GBF1: variants seen among roughly 807,000 people sequenced by gnomAD.
The protein encoded by GBF1 is golgi brefeldin A resistant guanine nucleotide exchange factor 1.
In GBF1, 114 loss-of-function variants were observed where a neutral mutation model predicts 210.5. The ratio of observed to expected loss-of-function variants is 0.54; its 90% CI spans 0.47 to 0.63. The LOEUF (loss-of-function observed/expected upper bound fraction) is 0.63, where lower values mean the gene tolerates loss of function less well. GBF1 is among the 30% of genes least tolerant of loss of function. The probability of loss-of-function intolerance (pLI) is 0.00; values close to 1 mark genes in which losing one functional copy is unlikely to be tolerated. For synonymous variants in GBF1, 850 were observed against 889.2 expected (o/e 0.96, Z 0.78); for missense variants, 1,851 against 2,357.7 (o/e 0.79, Z 4.45).
chr10:102,301,865 C>T (rs1438923929), intron 3 of GBF1, among the ~76,000 whole-genome samples: 12 of 152,198 alleles, frequency 7.9e-5, no homozygotes, highest in Admixed American at 6.5e-4. Flanking sequence ...GAAGGGGTGG[C>T]GGCCGGGCAG....
intron 3 of GBF1, among the ~76,000 whole-genome samples, chr10:102,302,252 G>A (rs75000771): frequency 2.8e-5 from 2 of 70,268 alleles, no homozygotes; most frequent in Admixed American, 1.7e-4. Context: ...GAGGGAGACT[G>A]TGGAAAGGGA....
chr10:102,380,528 T>A lies in GBF1; in HGVS notation c.5015T>A (p.Leu1672Gln). 6.2e-7 allele frequency: 1 copy of A among 1,613,526 alleles called. No homozygotes were observed. Among genetic ancestry groups the A allele is most frequent in the Non-Finnish European group, 8.5e-7 (1 of 1,179,678 alleles). The change falls in exon 38 of 40, where the codon CTG becomes CAG. Residue 1672 changes from leucine (L) to glutamine (Q), a missense_variant. Leu to Gln is a moderately radical substitution (Grantham distance 113). Around this residue, in one of 3 missense-constraint regions of GBF1, gnomAD observed 967 missense variants for 1,247.7 expected, o/e 0.78. Transcript: ENST00000369983. ...CAGTCAGAGGCGATCCCTGAGTCTC[T>A]GAAGAACATGCTTCTGGTGATGGAC... ...DLLSEAIPES[L>Q]KNMLLVMDTA...
intron 3 of GBF1, among the ~76,000 whole-genome samples, chr10:102,322,739 A>T (rs2056525463): frequency 6.7e-6 from 1 of 148,762 alleles, no homozygotes; most frequent in African/African-American, 2.5e-5. Flanking sequence ...AAAAAAAAAA[A>T]AAAAATTGCT....
rs748223721 is a variant in GBF1, at chr10:102,358,080, G to C, written c.681G>C (p.Trp227Cys). 3.7e-6 allele frequency: 6 copies of C among 1,609,488 alleles called. No individual in the cohort carries two copies. In the Admixed American group the frequency reaches 5.0e-5, roughly 13 times the overall value. ...RAGGMSDSSK[W>C]KKQKRSPRPP... ...GAGGCATGAGTGATTCATCCAAATG[G>C]AAGAAACAGAAGAGATCCCCTCGGC... is the stretch of plus-strand genomic sequence containing the variant. The change falls in exon 9 of 40, where the codon TGG (tryptophan) becomes TGC (cysteine). Residue 227 changes from tryptophan to cysteine, a missense_variant. By Grantham distance (215) the Trp-to-Cys change is radical. Coordinates refer to ENST00000369983, the MANE Select transcript of GBF1 (RefSeq NM_001377137.1).
intron 36 of GBF1, 44 bp downstream of exon 36, chr10:102,379,998 C>T: frequency 7.4e-7 from 1 of 1,345,844 alleles, no homozygotes; most frequent in Non-Finnish European, 1.1e-6. Context: ...CCATACCTGC[C>T]TTTTCCCGAG....
At chr10:102,295,808 A>T (rs975337902) in intron 3 of GBF1, among the ~76,000 whole-genome samples, 2 of 152,218 alleles carry the variant, frequency 1.3e-5, no homozygotes, top group Non-Finnish European at 2.9e-5. Context: ...GCGAGAATAG[A>T]GGCAGTTCTG....
chr10:102,343,985 A>G, intron 3 of GBF1, 66 bp from the exon 4 acceptor site: 1 of 1,404,458 alleles, frequency 7.1e-7, no homozygotes, highest in South Asian at 1.2e-5. Context: ...CACAAACAAG[A>G]AACTTTTTCC....
At chr10:102,356,766 CAAAAA>C (rs761159635) in intron 8 of GBF1, among the ~76,000 whole-genome samples, 1 of 84,588 alleles carries the variant, frequency 1.2e-5, no homozygotes, top group Non-Finnish European at 2.3e-5. Flanking sequence ...GACTCTGTCT[CAAAAA>C]AAAAAAAAAA....
At chr10:102,375,109 G>A (rs2060421628) in intron 29 of GBF1, among the ~76,000 whole-genome samples, 1 of 151,970 alleles carries the variant, frequency 6.6e-6, no homozygotes, top group Non-Finnish European at 1.5e-5. Context: ...AGGAGTTTCA[G>A]GTTGCAGTGA....
chr10:102,273,994 G>A (rs749293763), intron 3 of GBF1, among the ~76,000 whole-genome samples: 7 of 152,034 alleles, frequency 4.6e-5, no homozygotes, highest in Non-Finnish European at 1.0e-4. Flanking sequence ...ATTTGTCCTC[G>A]AAAGACTCCA....
At chr10:102,301,647 C>T (rs1423672865) in intron 3 of GBF1, among the ~76,000 whole-genome samples, 4 of 150,742 alleles carry the variant, frequency 2.7e-5, no homozygotes, top group African/African-American at 2.4e-5. Context: ...CGGGCAGAGG[C>T]GCTCCTCACA....
the GBF1 span, among the ~76,000 whole-genome samples, chr10:102,234,275 C>A: frequency 6.6e-6 from 1 of 152,172 alleles, no homozygotes; most frequent in Non-Finnish European, 1.5e-5. Flanking sequence ...CTCCCCACCC[C>A]ACCTCTCAAG....
intron 3 of GBF1, among the ~76,000 whole-genome samples, chr10:102,296,632 C>G (rs2076930635): frequency 6.6e-6 from 1 of 152,066 alleles, no homozygotes; most frequent in Admixed American, 6.5e-5. Context: ...ATCCCAGCTA[C>G]TCAGGAGACT....
the GBF1 span, among the ~76,000 whole-genome samples, chr10:102,240,282 A>G: frequency 6.6e-6 from 1 of 152,140 alleles, no homozygotes; most frequent in Non-Finnish European, 1.5e-5. Flanking sequence ...GATTCCCACT[A>G]GCAGGCTCCT....
intron 3 of GBF1, 129 bp downstream of exon 3, chr10:102,260,245 C>A: frequency 2.0e-6 from 1 of 508,750 alleles, no homozygotes. Context: ...GGGCCATACA[C>A]AACTGCAACT....
intron 30 of GBF1, 140 bp downstream of exon 30, chr10:102,375,724 G>A: frequency 1.6e-6 from 1 of 631,016 alleles, no homozygotes; most frequent in Admixed American, 2.5e-5. Flanking sequence ...AGAGCTTCCA[G>A]TGCCCGCTGG....
intron 3 of GBF1, among the ~76,000 whole-genome samples, chr10:102,341,534 G>A (rs2058181506): frequency 6.6e-6 from 1 of 152,148 alleles, no homozygotes; most frequent in Non-Finnish European, 1.5e-5. Flanking sequence ...CCAAACTGGA[G>A]ATCCCACATG....
chr10:102,266,003 C>T (rs1156479770), intron 3 of GBF1, among the ~76,000 whole-genome samples: 2 of 151,948 alleles, frequency 1.3e-5, no homozygotes, highest in Non-Finnish European at 2.9e-5. Context: ...TTTGGGAGGC[C>T]GAGGCGGGCA....
At chr10:102,349,221 C>T (rs1439243241) in intron 4 of GBF1, among the ~76,000 whole-genome samples, 1 of 152,088 alleles carries the variant, frequency 6.6e-6, no homozygotes, top group Admixed American at 6.5e-5. Flanking sequence ...CAGGAACTCT[C>T]TGATTTCAGG....
Sources: allele counts gnomAD v4.1 joint callset (sites outside exome capture counted in the v4.1 genomes callset), GRCh38; gene constraint gnomAD v4.1.1; regional missense constraint gnomAD v4.1.1; transcripts MANE v1.5; gene names NCBI Gene and HGNC (gene_info 2026-07-23, HGNC 2026-07-21).